Variants in MNS1 observed in about 807,000 individuals in gnomAD.
MNS1 encodes the protein meiosis specific nuclear structural 1.
MNS1 carries 63 observed loss-of-function variants against 72.0 expected under a neutral mutation model. The observed-to-expected ratio is 0.87, with a 90% confidence interval of 0.71 to 1.08. MNS1 has a LOEUF of 1.08. MNS1 is among the 50% of genes least tolerant of loss of function. MNS1 has a pLI of 0.00. For synonymous variants in MNS1, 188 were observed against 172.1 expected (o/e 1.09, Z -0.72); for missense variants, 604 against 562.4 (o/e 1.07, Z -0.75).
In MNS1 at chr15:56,464,251, C is replaced by A. The variant is rs1346208232; in HGVS notation, c.4-4G>T. 1 of 1,563,084 alleles carries A rather than the reference C, an allele frequency of 6.4e-7. No individual in the cohort carries two copies. Among genetic ancestry groups the A allele is most frequent in the Admixed American group, 2.1e-5 (1 of 48,626 alleles). On this transcript the variant is annotated splice_region_variant and splice_polypyrimidine_tract_variant and intron_variant, in intron 1 of 9. Coordinates refer to ENST00000260453, the MANE Select transcript of MNS1 (RefSeq NM_018365.4). Reference sequence around the variant, plus strand: ...TCAAATTTCTCCTTTTGGAACCCTACGATGGAAGAAAAAAAAAGATGCATA... The same window carrying A: ...TCAAATTTCTCCTTTTGGAACCCTAAGATGGAAGAAAAAAAAAGATGCATA...
intron 7 of MNS1, among the ~76,000 whole-genome samples, chr15:56,436,755 T>C (rs1211217467): frequency 6.6e-6 from 1 of 151,822 alleles, no homozygotes; most frequent in Admixed American, 6.6e-5. Context: ...ATAGACGCAA[T>C]AAAAAATGAT....
rs576521312 is a variant in MNS1, at chr15:56,437,722, G to A, written c.1012-3327C>T. Among the ~76,000 whole-genome samples the A allele has an allele frequency of 1.2e-4, 18 of 152,276 alleles. No individual in the cohort carries two copies. In the South Asian group the frequency reaches 3.7e-3, roughly 32 times the overall value. ...GATTGTATATTTAGAAAACCCCATTGTCTCAGCCCCAAATCTCCTTAAGCT... is the reference window on the plus strand; with the variant it reads ...GATTGTATATTTAGAAAACCCCATTATCTCAGCCCCAAATCTCCTTAAGCT... On this transcript the variant is annotated intron_variant, in intron 7 of 9. Coordinates refer to ENST00000260453, the MANE Select transcript of MNS1 (RefSeq NM_018365.4).
chr15:56,460,007 A>ATATATATATATATATATAT (rs1555449663), intron 2 of MNS1, among the ~76,000 whole-genome samples: 2 of 27,612 alleles, frequency 7.2e-5, no homozygotes, highest in African/African-American at 2.7e-4. Context: ...AAAAAAAAAA[A>ATATATATATATATATATAT]AAATACATAT....
intron 8 of MNS1, 50 bp from the exon 9 acceptor site, chr15:56,431,548 C>G: frequency 6.3e-7 from 1 of 1,596,416 alleles, no homozygotes; most frequent in Non-Finnish European, 8.5e-7. Context: ...TAATCTTATA[C>G]GAAGTTTTCA....
chr15:56,444,331 T>C (rs755349066), intron 5 of MNS1, 113 bp downstream of exon 5: 17 of 801,048 alleles, frequency 2.1e-5, no homozygotes, highest in Non-Finnish European at 3.3e-5. Flanking sequence ...TAGTATTTAT[T>C]GAGCACTTAC....
In MNS1 at chr15:56,439,120, T is replaced by C. The variant is rs548526325; in HGVS notation, c.1011+4310A>G. 4.6e-5 allele frequency among the ~76,000 whole-genome samples: 7 copies of C among 152,160 alleles called. No individual in the cohort carries two copies. The East Asian group carries it at 9.7e-4, about 21-fold the overall frequency. On this transcript the variant is annotated intron_variant, in intron 7 of 9. Coordinates refer to ENST00000260453, the MANE Select transcript of MNS1 (RefSeq NM_018365.4). Reference sequence around the variant, plus strand: ...GTGAGATACAAGATAAACACAAAAATATCAATTCACTAGCAACGAGTACAC... The same window carrying C: ...GTGAGATACAAGATAAACACAAAAACATCAATTCACTAGCAACGAGTACAC...
rs773659068 is a variant in MNS1, at chr15:56,434,233, T to C, written c.1174A>G (p.Met392Val). Residue 392 changes from methionine (M) to valine (V), a missense_variant, in exon 8 of 10, where the codon ATG becomes GTG. Physicochemically the swap from Met to Val is conservative, Grantham distance 21 (BLOSUM62 1). Coordinates refer to ENST00000260453, the MANE Select transcript of MNS1 (RefSeq NM_018365.4). ...TTCATTCTTTGTTTCTGAGCATTCA[T>C]TAATTCTATTCGATCATCCTCAGCA... ...KFAEDDRIEL[M>V]NAQKQRMKQL... 5.6e-6 allele frequency: 9 copies of C among 1,614,024 alleles called. No individual in the cohort carries two copies. The highest frequency in any genetic ancestry group is 4.5e-5 in the East Asian group (2 of 44,864).
At chr15:56,447,389 A>T (rs527634939) in intron 3 of MNS1, 1 of 154,394 alleles carries the variant, frequency 6.5e-6, no homozygotes, top group East Asian at 1.9e-4. Flanking sequence ...CAATTTGGAA[A>T]GTACTAATAT....
In MNS1 at chr15:56,460,009, A is replaced by AAAAAAAAATATATATATATATAT; in HGVS notation, c.226-3489_226-3488insATATATATATATATATTTTTTTT. 1.3e-3 allele frequency among the ~76,000 whole-genome samples: 33 copies of AAAAAAAAATATATATATATATAT among 26,372 alleles called. 7 individuals carry two copies. The highest frequency in any genetic ancestry group is 2.2e-3 in the Non-Finnish European group (31 of 14,296). The allele number at this position is 26,372 out of a possible 152,430, so 17.3% of individuals were successfully genotyped here. A position where few individuals can be genotyped will look rare whatever the true frequency, so the allele number is the denominator to read the frequency against. On this transcript the variant is annotated intron_variant, in intron 2 of 9. Transcript: ENST00000260453. ...CTGTCTCAAAAAAAAAAAAAAAAAA[A>AAAAAAAAATATATATATATATAT]ATACATATATATATATATATATATA...
rs2050460535 is a variant in MNS1, at chr15:56,428,908, C to T, written c.*193G>A. On this transcript the variant is annotated 3_prime_UTR_variant, in exon 10 of 10. Coordinates refer to ENST00000260453, the MANE Select transcript of MNS1 (RefSeq NM_018365.4). ...TGTAGAAATCGGATTTTGAAATTAT[C>T]AGTACAAAAATAACAGCTTGATTAA... 5.8e-6 allele frequency: 3 copies of T among 516,898 alleles called. No homozygotes were observed. Among genetic ancestry groups the T allele is most frequent in the Non-Finnish European group, 1.0e-5 (3 of 297,126 alleles). 32.0% of individuals were successfully genotyped at this position (516,898 alleles called of 1,614,324 possible).
rs2050468409 is a variant in MNS1, at chr15:56,429,014, T to A, written c.*87A>T. 4.3e-6 allele frequency: 3 copies of A among 696,436 alleles called. No homozygotes were observed. The African/African-American group carries it at 5.6e-5, about 13-fold the overall frequency. 43.1% of individuals were successfully genotyped at this position (696,436 alleles called of 1,614,324 possible). ...AAAATCCAAACAGACAATGGATACC[T>A]AATGCCACTGAACTGTAAAACAAAA... On this transcript the variant is annotated 3_prime_UTR_variant, in exon 10 of 10. Coordinates refer to ENST00000260453, the MANE Select transcript of MNS1 (RefSeq NM_018365.4).
At position 56,460,009 on chromosome 15, in the gene MNS1, A is replaced by AAAAAAAAAAAAAAATATATATATATATAT; in HGVS notation, c.226-3489_226-3488insATATATATATATATATTTTTTTTTTTTTT. On this transcript the variant is annotated intron_variant, in intron 2 of 9. Coordinates refer to ENST00000260453, the MANE Select transcript of MNS1 (RefSeq NM_018365.4). ...CTGTCTCAAAAAAAAAAAAAAAAAAAATACATATATATATATATATATATA... is the reference window on the plus strand; with the variant it reads ...CTGTCTCAAAAAAAAAAAAAAAAAAAAAAAAAAAAAAAAATATATATATATATATATACATATATATATATATATATATA... Among the ~76,000 whole-genome samples the AAAAAAAAAAAAAAATATATATATATATAT allele has an allele frequency of 3.0e-4, 8 of 26,384 alleles. 1 individual carries two copies. Among genetic ancestry groups the AAAAAAAAAAAAAAATATATATATATATAT allele is most frequent in the Admixed American group, 5.6e-4 (1 of 1,798 alleles). The allele number at this position is 26,384 out of a possible 152,430, so 17.3% of individuals were successfully genotyped here.
Position 56,434,204 on chromosome 15 carries a change from C to T in MNS1, c.1203G>A (p.Gln401=), listed in dbSNP as rs768757455. ...LMNAQKQRMK[Q]LEHRRAVEKL... Reference sequence around the variant, plus strand: ...TTTCCACAGCCCTCCTGTGTTCCAGCTGCTTCATTCTTTGTTTCTGAGCAT... The same window carrying T: ...TTTCCACAGCCCTCCTGTGTTCCAGTTGCTTCATTCTTTGTTTCTGAGCAT... Residue 401 remains glutamine (Q), a synonymous_variant, in exon 8 of 10, where the codon CAG becomes CAA. Transcript: ENST00000260453. 3.7e-6 allele frequency: 6 copies of T among 1,613,934 alleles called. No individual in the cohort carries two copies. The highest frequency in any genetic ancestry group is 5.1e-6 in the Non-Finnish European group (6 of 1,179,880).
At chr15:56,440,793 C>T (rs940362605) in intron 7 of MNS1, among the ~76,000 whole-genome samples, 1 of 152,058 alleles carries the variant, frequency 6.6e-6, no homozygotes, top group African/African-American at 2.4e-5. Context: ...AAGGTTTATC[C>T]ATGTTTTAGC....
chr15:56,456,456 C>G lies in MNS1; in HGVS notation c.291G>C (p.Leu97Phe), dbSNP rs1287880310. The G allele has an allele frequency of 2.5e-6, 4 of 1,611,994 alleles. No individual in the cohort carries two copies. In the Admixed American group the frequency reaches 6.7e-5, roughly 27 times the overall value. ...LKQEEKLAME[L>F]AKLKHESLKD... ...TTAGACTTTCATGTTTCAGTTTTGC[C>G]AATTCCATAGCCAGTTTTTCTTCTT... Residue 97 changes from leucine (L) to phenylalanine (F), a missense_variant, in exon 3 of 10, where the codon TTG becomes TTC. Coordinates refer to ENST00000260453, the MANE Select transcript of MNS1 (RefSeq NM_018365.4).
chr15:56,462,023 C>T (rs1201920315), intron 2 of MNS1, among the ~76,000 whole-genome samples: 1 of 92,720 alleles, frequency 1.1e-5, no homozygotes, highest in East Asian at 2.8e-4. Context: ...GGGGTGGGGG[C>T]AGGGGAACAG....
intron 2 of MNS1, among the ~76,000 whole-genome samples, chr15:56,459,152 A>AT (rs1296193247): frequency 1.3e-5 from 2 of 151,934 alleles, no homozygotes; most frequent in Non-Finnish European, 1.5e-5. Context: ...CTACTTATCT[A>AT]TTTTTTGTCT....
intron 3 of MNS1, among the ~76,000 whole-genome samples, chr15:56,450,554 G>T (rs74247168): frequency 6.6e-6 from 1 of 151,946 alleles, no homozygotes; most frequent in African/African-American, 2.4e-5. Flanking sequence ...TGTTTTCAAG[G>T]TTCACTAATA....
intron 7 of MNS1, among the ~76,000 whole-genome samples, chr15:56,441,529 C>T (rs2050814040): frequency 6.6e-6 from 1 of 151,962 alleles, no homozygotes; most frequent in Non-Finnish European, 1.5e-5. Flanking sequence ...ACTCAAAAAG[C>T]AATTGTAACA....
Sources: allele counts gnomAD v4.1 joint callset (sites outside exome capture counted in the v4.1 genomes callset), GRCh38; gene constraint gnomAD v4.1.1; transcripts MANE v1.5; gene names NCBI Gene and HGNC (gene_info 2026-07-23, HGNC 2026-07-21).